Variants in PIAS2 observed in about 807,000 individuals in gnomAD.
The protein encoded by PIAS2 is E3 SUMO-protein ligase PIAS2.
Under a neutral mutation model 69.7 loss-of-function variants are expected in PIAS2, and 19 were observed. The observed-to-expected ratio is 0.27, with a 90% CI of 0.19 to 0.40. PIAS2 has a LOEUF of 0.40. Ranked by LOEUF, PIAS2 falls within the 10% of genes least tolerant of loss-of-function variation. The pLI is 1.00. For missense variants in PIAS2, 624 were observed against 757.0 expected (o/e 0.82, Z 2.06); for synonymous variants, 261 against 263.2 (o/e 0.99, Z 0.08).
At chr18:46,902,386 G>A (rs1357059349) in intron 1 of PIAS2, among the ~76,000 whole-genome samples, 6 of 152,022 alleles carry the variant, frequency 3.9e-5, no homozygotes, top group East Asian at 1.9e-4. Flanking sequence ...GAGAAACCCC[G>A]TCTCTACTAA....
intron 12 of PIAS2, 31 bp from the exon 13 acceptor site, chr18:46,815,380 C>T: frequency 1.2e-6 from 2 of 1,609,100 alleles, no homozygotes; most frequent in African/African-American, 1.3e-5. Context: ...TAATAGTTGT[C>T]TCATATTTTG....
chr18:46,914,216 G>A (rs970893483), intron 1 of PIAS2, among the ~76,000 whole-genome samples: 1 of 152,090 alleles, frequency 6.6e-6, no homozygotes, highest in Non-Finnish European at 1.5e-5. Flanking sequence ...GAGCACACAG[G>A]CCACATTTTC....
intron 3 of PIAS2, among the ~76,000 whole-genome samples, chr18:46,863,026 T>G (rs2048909378): frequency 6.6e-6 from 1 of 152,070 alleles, no homozygotes; most frequent in African/African-American, 2.4e-5. Flanking sequence ...TATTTTTAAT[T>G]GGAAAATTAA....
rs1006229192 is a variant in PIAS2, at chr18:46,846,561, C to G, written c.861+146G>C. The stretch of plus-strand genomic sequence containing the variant: ...GTTTTTAACTTTAAGAATCTCCACA[C>G]TGCCACCTCTAAACTGAAAATTACT... On this transcript the variant is annotated intron_variant, in intron 6 of 13. Coordinates refer to ENST00000585916, the MANE Select transcript of PIAS2 (RefSeq NM_004671.5). The G allele has an allele frequency of 5.9e-6, 4 of 677,320 alleles. No homozygotes were observed. The African/African-American group carries it at 7.3e-5, about 12-fold the overall frequency. 42.0% of individuals were successfully genotyped at this position (677,320 alleles called of 1,614,324 possible).
chr18:46,886,845 C>CA (rs912982702), intron 2 of PIAS2, among the ~76,000 whole-genome samples: 19 of 148,882 alleles, frequency 1.3e-4, no homozygotes, highest in South Asian at 1.1e-3. Context: ...CCCCCCCCTC[C>CA]AAAAAAAAAC....
chr18:46,836,246 A>C (rs1390145557), intron 9 of PIAS2, 111 bp downstream of exon 9: 4 of 795,620 alleles, frequency 5.0e-6, no homozygotes, highest in Admixed American at 2.2e-5. Flanking sequence ...ATCTGGATTT[A>C]TGCTAGAGTA....
At chr18:46,916,838 C>T in intron 1 of PIAS2, 1 of 985,414 alleles carries the variant, frequency 1.0e-6, no homozygotes, top group Non-Finnish European at 1.2e-6. Context: ...CCTGACTAAA[C>T]GGTAGCATCA....
At chr18:46,917,288 T>C in intron 1 of PIAS2, 34 bp downstream of exon 1, 3 of 1,446,832 alleles carry the variant, frequency 2.1e-6, no homozygotes, top group African/African-American at 1.5e-5. Flanking sequence ...TCCCATCCCC[T>C]CCCCCGCGGC....
chr18:46,820,533 A>G (rs1189627186), intron 12 of PIAS2, among the ~76,000 whole-genome samples: 2 of 152,136 alleles, frequency 1.3e-5, no homozygotes, highest in African/African-American at 4.8e-5. Context: ...TAAAATCCAC[A>G]GCTTGTAGGA....
chr18:46,917,030 T>C, intron 1 of PIAS2: 1 of 987,668 alleles, frequency 1.0e-6, no homozygotes. Context: ...GGTCCCCATG[T>C]GCCCCTCCTG....
chr18:46,843,844 A>C, intron 8 of PIAS2: 1 of 373,794 alleles, frequency 2.7e-6, no homozygotes, highest in Middle Eastern at 7.7e-4. Flanking sequence ...GATTATTCTG[A>C]GCCTAAAGCT....
intron 9 of PIAS2, among the ~76,000 whole-genome samples, chr18:46,830,178 AAC>A (rs1170222738): frequency 1.3e-5 from 2 of 152,198 alleles, no homozygotes; most frequent in East Asian, 1.9e-4. Flanking sequence ...AACAACCTCT[AAC>A]ACAGCACAAA....
At chr18:46,895,441 C>T (rs189171934) in intron 1 of PIAS2, among the ~76,000 whole-genome samples, 34 of 152,104 alleles carry the variant, frequency 2.2e-4, no homozygotes, top group Non-Finnish European at 4.7e-4. Flanking sequence ...GAGGCCAAAG[C>T]GGGCGGATCA....
intron 5 of PIAS2, among the ~76,000 whole-genome samples, chr18:46,848,401 C>G (rs554453225): frequency 6.6e-6 from 1 of 152,298 alleles, no homozygotes; most frequent in Admixed American, 6.5e-5. Flanking sequence ...ATGCCAATAA[C>G]ATCAAAGTTG....
rs1368599228 is a variant in PIAS2 at position 46,877,859 on chromosome 18, T to C, written c.499+12721A>G. Among the ~76,000 whole-genome samples, 16 of 152,216 alleles carry C rather than the reference T, an allele frequency of 1.1e-4. 1 individual carries two copies. Among genetic ancestry groups the C allele is most frequent in the Admixed American group, 1.0e-3 (16 of 15,274 alleles). On this transcript the variant is annotated intron_variant, in intron 2 of 13. Transcript: ENST00000585916. The stretch of plus-strand genomic sequence containing the variant: ...ACTCATTTTCCTTATGACTCCGAGC[T>C]CTTGTTTCTAACAAGCATAATAAAA...
chr18:46,839,224 G>A (rs1391730033), intron 8 of PIAS2, among the ~76,000 whole-genome samples: 1 of 147,770 alleles, frequency 6.8e-6, no homozygotes, highest in Admixed American at 6.7e-5. Context: ...TCAACAAAAT[G>A]CCCACAATGA....
chr18:46,849,400 A>G (rs188305348), intron 5 of PIAS2, among the ~76,000 whole-genome samples: 1 of 152,314 alleles, frequency 6.6e-6, no homozygotes, highest in East Asian at 1.9e-4. Context: ...GAATTTTATA[A>G]AATATAAAGT....
In PIAS2 at chr18:46,855,103, T is replaced by TAAAAAAA. The variant is rs59957336; in HGVS notation, c.726+235_726+241dup. Among the ~76,000 whole-genome samples, 291 of 76,330 alleles carry TAAAAAAA rather than the reference T, an allele frequency of 3.8e-3. 13 individuals are homozygous for TAAAAAAA. The highest frequency in any genetic ancestry group is 0.011 in the African/African-American group (191 of 17,298). The allele number at this position is 76,330 out of a possible 152,430, so 50.1% of individuals were successfully genotyped here. Reference sequence around the variant, plus strand: ...GGAACACAGTAGGACCTTGTCTCTTTAAAAAAAAAAAAAAAAAAAAAAAAA... The same window carrying TAAAAAAA: ...GGAACACAGTAGGACCTTGTCTCTTTAAAAAAAAAAAAAAAAAAAAAAAAAAAAAAAA... On this transcript the variant is annotated intron_variant, in intron 5 of 13. Transcript: ENST00000585916.
intron 2 of PIAS2, among the ~76,000 whole-genome samples, chr18:46,876,768 C>T (rs554793993): frequency 1.3e-5 from 2 of 151,338 alleles, no homozygotes; most frequent in South Asian, 2.1e-4. Flanking sequence ...GCTATCTCAA[C>T]TCACTGCAAG....
Sources: allele counts gnomAD v4.1 joint callset (sites outside exome capture counted in the v4.1 genomes callset), GRCh38; gene constraint gnomAD v4.1.1; transcripts MANE v1.5; gene names NCBI Gene and HGNC (gene_info 2026-07-23, HGNC 2026-07-21).